Variants in CCAR1 observed in about 807,000 individuals in gnomAD.
CCAR1 encodes cell division cycle and apoptosis regulator protein 1.
In CCAR1, 78 loss-of-function variants were observed where a neutral mutation model predicts 163.8. That is an observed-to-expected ratio of 0.48 (90% CI 0.40 to 0.57). The LOEUF (loss-of-function observed/expected upper bound fraction) is 0.57. Ranked by LOEUF, CCAR1 falls within the 20% of genes least tolerant of loss-of-function variation. The pLI, the probability that CCAR1 is intolerant of heterozygous loss-of-function variation, is 0.00. For synonymous variants in CCAR1, 443 were observed against 460.7 expected, an observed-to-expected ratio of 0.96 and a Z score of 0.49; for missense variants, 1,019 against 1,365.2, an observed-to-expected ratio of 0.75 and a Z score of 4.00.
chr10:68,766,984 C>T (rs1043567128), intron 17 of CCAR1, among the ~76,000 whole-genome samples: 3 of 152,176 alleles, frequency 2.0e-5, no homozygotes, highest in Non-Finnish European at 4.4e-5. Context: ...CCTCTGTCCT[C>T]TGTATTTCAT....
chr10:68,763,667 C>CA (rs2056502644), intron 16 of CCAR1, among the ~76,000 whole-genome samples: 1 of 152,254 alleles, frequency 6.6e-6, no homozygotes, highest in East Asian at 1.9e-4. Flanking sequence ...AGGCTGGTCT[C>CA]AAACTCCTGA....
In CCAR1 at chr10:68,754,091, T is replaced by C. The variant is rs374879582; in HGVS notation, c.1344+14T>C. 3.0e-5 allele frequency: 46 copies of C among 1,518,892 alleles called. No individual in the cohort carries two copies. Among genetic ancestry groups the C allele is most frequent in the Non-Finnish European group, 3.8e-5 (42 of 1,099,348 alleles). The allele number at this position is 1,518,892 out of a possible 1,614,324, so 94.1% of individuals were successfully genotyped here. A position where few individuals can be genotyped will look rare whatever the true frequency, so the allele number is the denominator to read the frequency against. On this transcript the variant is annotated intron_variant, in intron 11 of 24. Coordinates refer to ENST00000265872, the MANE Select transcript of CCAR1 (RefSeq NM_018237.4). Reference sequence around the variant, plus strand: ...TACAGTGCAAAGGTTTGTATTCAGCTGTGATATGCAGCTTAAATTTCTTAG... The same window carrying C: ...TACAGTGCAAAGGTTTGTATTCAGCCGTGATATGCAGCTTAAATTTCTTAG...
intron 19 of CCAR1, among the ~76,000 whole-genome samples, chr10:68,784,471 C>T (rs1017366583): frequency 6.6e-6 from 1 of 152,106 alleles, no homozygotes; most frequent in Non-Finnish European, 1.5e-5. Context: ...CCTCGGGCTG[C>T]CAAAGTGCTA....
chr10:68,738,988 C>T (rs2056149216), intron 4 of CCAR1, among the ~76,000 whole-genome samples: 1 of 152,310 alleles, frequency 6.6e-6, no homozygotes, highest in Admixed American at 6.5e-5. Context: ...CTTCTATTCC[C>T]TAGGCATGTT....
Position 68,771,093 on chromosome 10 carries a change from T to G in CCAR1, c.2299-113T>G, listed in dbSNP as rs576859758. 3.3e-5 allele frequency: 30 copies of G among 910,400 alleles called. No homozygotes were observed. In the African/African-American group the frequency reaches 4.2e-4, roughly 13 times the overall value. 56.4% of individuals were successfully genotyped at this position (910,400 alleles called of 1,614,324 possible). ...ACTCCATCTCAAAAAAAAAAAAGTT[T>G]GATAAGTTTACATAATCGTTGTATG... On this transcript the variant is annotated intron_variant, in intron 17 of 24. Transcript: ENST00000265872.
intron 23 of CCAR1, among the ~76,000 whole-genome samples, chr10:68,789,013 G>A (rs1253588394): frequency 2.0e-5 from 3 of 151,546 alleles, no homozygotes; most frequent in Non-Finnish European, 4.4e-5. Flanking sequence ...AAGTTCAAGC[G>A]ATTCTCCTGC....
chr10:68,730,349 A>T (rs12218439), intron 2 of CCAR1, among the ~76,000 whole-genome samples: 5,585 of 147,124 alleles, frequency 0.038, 271 homozygotes, highest in East Asian at 0.25. Flanking sequence ...ATATATATTT[A>T]TTTTTTGAGA....
intron 15 of CCAR1, among the ~76,000 whole-genome samples, chr10:68,758,553 G>T (rs2056424896): frequency 6.8e-6 from 1 of 146,788 alleles, no homozygotes; most frequent in African/African-American, 2.6e-5. Context: ...TGTATACAGT[G>T]TATACATATA....
At chr10:68,738,123 A>C (rs1341281434) in intron 4 of CCAR1, among the ~76,000 whole-genome samples, 2 of 152,222 alleles carry the variant, frequency 1.3e-5, no homozygotes, top group East Asian at 3.9e-4. Context: ...TTTCTAAGAA[A>C]GTATGAGGAG....
intron 22 of CCAR1, 29 bp from the exon 23 acceptor site, chr10:68,788,114 A>G (rs1157069239): frequency 1.3e-6 from 2 of 1,521,590 alleles, no homozygotes; most frequent in East Asian, 4.8e-5. Flanking sequence ...AAAATAACTT[A>G]CTAAAATATG....
chr10:68,726,261 C>T (rs563148534), intron 2 of CCAR1, among the ~76,000 whole-genome samples: 3 of 151,494 alleles, frequency 2.0e-5, no homozygotes, highest in Admixed American at 1.3e-4. Context: ...AAGCGATTCT[C>T]GTGCCTCAGC....
At chr10:68,733,263 TAGTC>T (rs1302212581) in intron 2 of CCAR1, among the ~76,000 whole-genome samples, 1 of 151,372 alleles carries the variant, frequency 6.6e-6, no homozygotes, top group Non-Finnish European at 1.5e-5. Flanking sequence ...TATCAAAAAT[TAGTC>T]AGGCATGGTG....
intron 2 of CCAR1, among the ~76,000 whole-genome samples, chr10:68,731,591 G>A: frequency 1.3e-5 from 1 of 75,624 alleles, no homozygotes; most frequent in East Asian, 3.7e-4. Flanking sequence ...TCTTGTTTCT[G>A]TTTTTTTTTT....
intron 19 of CCAR1, among the ~76,000 whole-genome samples, chr10:68,781,269 G>A (rs902620668): frequency 1.3e-5 from 2 of 150,906 alleles, no homozygotes; most frequent in African/African-American, 4.9e-5. Context: ...AATTACAGGT[G>A]CGGTGGCTCA....
intron 10 of CCAR1, among the ~76,000 whole-genome samples, chr10:68,750,252 T>C (rs954372763): frequency 3.4e-5 from 5 of 147,744 alleles, no homozygotes; most frequent in East Asian, 2.0e-4. Flanking sequence ...GTCTTACTCT[T>C]TCACCCAGGT....
At chr10:68,786,866 G>A (rs2056801061) in intron 21 of CCAR1, 174 bp downstream of exon 21, 1 of 492,856 alleles carries the variant, frequency 2.0e-6, no homozygotes, top group South Asian at 2.6e-5. Flanking sequence ...GGGCAGATCA[G>A]TTGAGGCCAG....
At chr10:68,754,959 G>T in intron 12 of CCAR1, 132 bp downstream of exon 12, 1 of 607,318 alleles carries the variant, frequency 1.6e-6, no homozygotes, top group Non-Finnish European at 2.9e-6. Context: ...AAGGCACCCA[G>T]AATTTAATGA....
chr10:68,766,633 T>G (rs1392338573), intron 17 of CCAR1, among the ~76,000 whole-genome samples: 1 of 151,506 alleles, frequency 6.6e-6, no homozygotes, highest in East Asian at 1.9e-4. Flanking sequence ...TTCAAGCAGT[T>G]CTCCTGCCTC....
intron 2 of CCAR1, among the ~76,000 whole-genome samples, chr10:68,723,594 A>G (rs1444817505): frequency 6.6e-6 from 1 of 151,418 alleles, no homozygotes; most frequent in Non-Finnish European, 1.5e-5. Context: ...CATGCCTGTA[A>G]TCCCAGCACT....
Sources: allele counts gnomAD v4.1 joint callset (sites outside exome capture counted in the v4.1 genomes callset), GRCh38; gene constraint gnomAD v4.1.1; transcripts MANE v1.5; gene names NCBI Gene and HGNC (gene_info 2026-07-23, HGNC 2026-07-21).